The following MSRB3 variants were observed in gnomAD, a reference collection of about 807,000 sequenced individuals.
MSRB3 encodes the protein methionine sulfoxide reductase B3.
A neutral mutation model predicts 21.0 loss-of-function variants in MSRB3; 13 were observed. The ratio of observed to expected loss-of-function variants is 0.62; its 90% CI spans 0.40 to 0.98. The LOEUF (loss-of-function observed/expected upper bound fraction) is 0.98. Among genes scored for constraint, MSRB3 ranks in the 50% least tolerant of loss-of-function variants. The probability of loss-of-function intolerance (pLI) is 0.00; values close to 1 mark genes in which losing one functional copy is unlikely to be tolerated. For missense variants in MSRB3, 199 were observed against 230.3 expected (o/e 0.86, Z 0.88); for synonymous variants, 87 against 88.6 (o/e 0.98, Z 0.10).
intron 5 of MSRB3, among the ~76,000 whole-genome samples, chr12:65,384,085 T>A (rs566249306): frequency 6.6e-6 from 1 of 152,356 alleles, no homozygotes; most frequent in African/African-American, 2.4e-5. Flanking sequence ...TTAAATGTAA[T>A]CCCTATTTTG....
chr12:65,338,176 A>C (rs1280708410), intron 4 of MSRB3, among the ~76,000 whole-genome samples: 1 of 152,154 alleles, frequency 6.6e-6, no homozygotes, highest in Non-Finnish European at 1.5e-5. Context: ...ATTCCCTGCC[A>C]TGTTTTCTGA....
In MSRB3 at chr12:65,453,900, C is replaced by T. The variant is rs752925444; in HGVS notation, c.390+75C>T. The T allele has an allele frequency of 2.6e-6, 3 of 1,173,660 alleles. No homozygotes were observed. In the African/African-American group the frequency reaches 4.5e-5, roughly 18 times the overall value. The allele number at this position is 1,173,660 out of a possible 1,614,324, so 72.7% of individuals were successfully genotyped here. ...GTTGTGCTAAATATAGCAACTAAGG[C>T]CAAGCGACTGGTCACAAGAAGGACA... is the stretch of plus-strand genomic sequence containing the variant. On this transcript the variant is annotated intron_variant, in intron 6 of 6. Coordinates refer to ENST00000308259, the MANE Select transcript of MSRB3 (RefSeq NM_001031679.3).
chr12:65,308,841 C>T (rs1466421409), intron 2 of MSRB3, 186 bp downstream of exon 2: 8 of 745,568 alleles, frequency 1.1e-5, no homozygotes, highest in Non-Finnish European at 1.8e-5. Context: ...ACAATCCTTA[C>T]AACCCTTGGA....
intron 5 of MSRB3, among the ~76,000 whole-genome samples, chr12:65,429,180 G>A (rs1881759893): frequency 6.6e-6 from 1 of 152,140 alleles, no homozygotes; most frequent in Non-Finnish European, 1.5e-5. Flanking sequence ...TATTTGATAG[G>A]AGCTATGCAG....
At chr12:65,366,926 G>A (rs1428696277) in intron 4 of MSRB3, among the ~76,000 whole-genome samples, 1 of 152,154 alleles carries the variant, frequency 6.6e-6, no homozygotes, top group Non-Finnish European at 1.5e-5. Context: ...GTTTCAGGTG[G>A]CCTGAGGGCT....
chr12:65,424,724 T>A (rs1303077873), intron 5 of MSRB3, among the ~76,000 whole-genome samples: 1 of 151,746 alleles, frequency 6.6e-6, no homozygotes, highest in Non-Finnish European at 1.5e-5. Context: ...TTTTGTAGCC[T>A]AACATATGAT....
chr12:65,372,158 A>G (rs1045931960), intron 5 of MSRB3, among the ~76,000 whole-genome samples: 3 of 152,204 alleles, frequency 2.0e-5, no homozygotes, highest in Admixed American at 6.5e-5. Flanking sequence ...TTTGAGTGAC[A>G]TACACGTCAT....
chr12:65,332,601 G>A (rs557234082), intron 4 of MSRB3, among the ~76,000 whole-genome samples: 136 of 152,150 alleles, frequency 8.9e-4, no homozygotes, highest in African/African-American at 3.0e-3. Context: ...AAACCTGCAC[G>A]TTGTGCACAT....
At chr12:65,336,337 A>G (rs1875761188) in intron 4 of MSRB3, among the ~76,000 whole-genome samples, 1 of 152,250 alleles carries the variant, frequency 6.6e-6, no homozygotes, top group Non-Finnish European at 1.5e-5. Flanking sequence ...AAGTATAACA[A>G]TATACAAAGA....
chr12:65,375,561 C>G (rs576807605), intron 5 of MSRB3, among the ~76,000 whole-genome samples: 1 of 152,204 alleles, frequency 6.6e-6, no homozygotes, highest in South Asian at 2.1e-4. Flanking sequence ...CTCAGTCTCC[C>G]AAATAGCAGG....
chr12:65,366,817 C>T (rs1463443428), intron 4 of MSRB3, among the ~76,000 whole-genome samples: 1 of 152,176 alleles, frequency 6.6e-6, no homozygotes, highest in East Asian at 1.9e-4. Context: ...GCCCCACTTA[C>T]TGAATCAGAA....
intron 5 of MSRB3, among the ~76,000 whole-genome samples, chr12:65,424,530 A>T: frequency 6.6e-6 from 1 of 151,852 alleles, no homozygotes. Context: ...GTATTTCGAG[A>T]TATTTTTAAA....
At chr12:65,450,465 A>C (rs1882808488) in intron 5 of MSRB3, among the ~76,000 whole-genome samples, 1 of 152,216 alleles carries the variant, frequency 6.6e-6, no homozygotes, top group Non-Finnish European at 1.5e-5. Flanking sequence ...ATATTCTTTG[A>C]AATGAAATGA....
chr12:65,388,631 G>A (rs1169383201), intron 5 of MSRB3, among the ~76,000 whole-genome samples: 1 of 152,112 alleles, frequency 6.6e-6, no homozygotes, highest in Non-Finnish European at 1.5e-5. Context: ...AGCACTTTGG[G>A]GGCCTGAGGT....
At chr12:65,401,942 A>C (rs910658620) in intron 5 of MSRB3, among the ~76,000 whole-genome samples, 2 of 151,684 alleles carry the variant, frequency 1.3e-5, no homozygotes, top group Non-Finnish European at 2.9e-5. Flanking sequence ...ATTGACCCCC[A>C]CTCTCTTCTG....
chr12:65,355,674 A>G (rs1033552719), intron 4 of MSRB3, among the ~76,000 whole-genome samples: 6 of 151,876 alleles, frequency 4.0e-5, no homozygotes, highest in African/African-American at 1.4e-4. Flanking sequence ...TGGCAGTCGC[A>G]TGACTCATAG....
intron 5 of MSRB3, among the ~76,000 whole-genome samples, chr12:65,423,825 G>A (rs1275386834): frequency 6.6e-6 from 1 of 152,030 alleles, no homozygotes. Context: ...GTCTGGCTTT[G>A]GTATCAGAGT....
chr12:65,366,719 T>C (rs1484673657), intron 4 of MSRB3, among the ~76,000 whole-genome samples: 1 of 152,170 alleles, frequency 6.6e-6, no homozygotes, highest in Admixed American at 6.5e-5. Context: ...ATTCAGGTAG[T>C]ATTTTGTTTA....
chr12:65,442,136 G>T, intron 5 of MSRB3, among the ~76,000 whole-genome samples: 1 of 151,900 alleles, frequency 6.6e-6, no homozygotes, highest in East Asian at 1.9e-4. Flanking sequence ...GGGAAATTCA[G>T]GTTTAGCACT....
Sources: gnomAD v4.1 joint callset for allele counts (sites outside exome capture counted in the v4.1 genomes callset) on GRCh38, gnomAD v4.1.1 for gene constraint, MANE v1.5 for transcripts, NCBI Gene and HGNC (gene_info 2026-07-23, HGNC 2026-07-21) for gene names.